Variants in METTL13 observed in about 807,000 individuals in gnomAD.
METTL13 encodes the protein eEF1A lysine and N-terminal methyltransferase.
METTL13 carries 52 observed loss-of-function variants against 67.4 expected under a neutral mutation model. That is an observed-to-expected ratio of 0.77 (90% CI 0.62 to 0.97). The LOEUF is 0.97. Ranked by LOEUF, METTL13 falls within the 50% of genes least tolerant of loss-of-function variation. METTL13 has a pLI of 0.00. For missense variants in METTL13, 825 were observed against 889.6 expected, an observed-to-expected ratio of 0.93 and a Z score of 0.92; for synonymous variants, 354 against 353.6, an observed-to-expected ratio of 1.00 and a Z score of -0.01.
chr1:171,790,586 G>T lies in METTL13; in HGVS notation c.1444G>T (p.Ala482Ser). 1.9e-6 allele frequency: 3 copies of T among 1,585,618 alleles called. No homozygotes were observed. The highest frequency in any genetic ancestry group is 1.2e-5 in the South Asian group (1 of 86,460). ...CCACAAAGCCATGATCGCTGGCCTT[G>T]CCCTGCTGAGAAACCCAGAGCTACT... ...EHHKAMIAGL[A>S]LLRNPELLLE... is the part of the protein sequence containing the mutation. The change falls in exon 5 of 8, where the codon GCC becomes TCC. Residue 482 changes from alanine to serine, a missense_variant. Coordinates refer to ENST00000361735, the MANE Select transcript of METTL13 (RefSeq NM_015935.5).
In METTL13 at chr1:171,792,181, GT is replaced by G; in HGVS notation, c.1640del (p.Val547AlafsTer26). The G allele has an allele frequency of 6.2e-7, 1 of 1,614,228 alleles. No individual in the cohort carries two copies. Among genetic ancestry groups the G allele is most frequent in the Non-Finnish European group, 8.5e-7 (1 of 1,180,044 alleles). On this transcript the variant is annotated frameshift_variant, in exon 6 of 8. Transcript: ENST00000361735. LOFTEE classifies it high-confidence loss of function. Reference protein sequence around the residue: ...FGFSQSDRMKVHIADGLDYIA... With the variant: ...FGFSQSDRMKXHIADGLDYIA... ...CTTCTCCCAGAGTGACCGAATGAAGGTCCACATTGCAGATGGCCTGGACTAT... is the reference window on the plus strand; with the variant it reads ...CTTCTCCCAGAGTGACCGAATGAAGGCCACATTGCAGATGGCCTGGACTAT...
intron 3 of METTL13, among the ~76,000 whole-genome samples, chr1:171,786,837 T>G (rs966988652): frequency 1.3e-5 from 2 of 152,130 alleles, no homozygotes; most frequent in African/African-American, 4.8e-5. Context: ...CTGGCTAGTT[T>G]TTTTTTTACA....
In METTL13 at chr1:171,784,187, T is replaced by A; in HGVS notation, c.601T>A (p.Ser201Thr). ...DQVLEAEPQFSLPVFAFIMTK... is the reference protein window; with the variant it reads ...DQVLEAEPQFTLPVFAFIMTK... ...GGTGTTGGAAGCAGAGCCTCAGTTC[T>A]CCTTGCCTGTCTTTGCCTTCATCAT... The change falls in exon 2 of 8, where the codon TCC (serine) becomes ACC (threonine). Residue 201 changes from serine (S) to threonine (T), a missense_variant. Coordinates refer to ENST00000361735, the MANE Select transcript of METTL13 (RefSeq NM_015935.5). 6.2e-7 allele frequency: 1 copy of A among 1,614,208 alleles called. No individual in the cohort carries two copies. Among genetic ancestry groups the A allele is most frequent in the South Asian group, 1.1e-5 (1 of 91,088 alleles).
chr1:171,786,684 C>G (rs1198904191), intron 3 of METTL13, among the ~76,000 whole-genome samples: 1 of 151,934 alleles, frequency 6.6e-6, no homozygotes, highest in Non-Finnish European at 1.5e-5. Flanking sequence ...GAGATAGGGT[C>G]TTGCTCTGTT....
Position 171,785,969 on chromosome 1 carries a change from C to T in METTL13, c.1004C>T (p.Thr335Ile). 3 of 1,613,852 alleles carry T rather than the reference C, an allele frequency of 1.9e-6. No individual in the cohort carries two copies. The highest frequency in any genetic ancestry group is 2.5e-6 in the Non-Finnish European group (3 of 1,179,916). ...AASAGFRRLI[T>I]VALHRGQQYE... The stretch of plus-strand genomic sequence containing the variant: ...AGTGCTGGCTTCAGGAGGTTGATTA[C>T]AGTGGCCCTTCACCGAGGTCAGCAG... The change falls in exon 3 of 8, where the codon ACA (threonine) becomes ATA (isoleucine). Residue 335 changes from threonine to isoleucine, a missense_variant. Transcript: ENST00000361735.
At position 171,782,756 on chromosome 1, in the gene METTL13, A is replaced by T. The variant is rs188712677; in HGVS notation, c.153+636A>T. Reference sequence around the variant, plus strand: ...GAATTTGTTTTTCAAATAGTCGTTGAGTGCGCCCCAAGTTTCAGGCACTGC... The same window carrying T: ...GAATTTGTTTTTCAAATAGTCGTTGTGTGCGCCCCAAGTTTCAGGCACTGC... On this transcript the variant is annotated intron_variant, in intron 1 of 7. Coordinates refer to ENST00000361735, the MANE Select transcript of METTL13 (RefSeq NM_015935.5). Among the ~76,000 whole-genome samples the T allele has an allele frequency of 2.5e-4, 38 of 152,256 alleles. No homozygotes were observed. In the East Asian group the frequency reaches 6.8e-3, roughly 27 times the overall value.
chr1:171,790,820 A>G, intron 5 of METTL13: 1 of 475,592 alleles, frequency 2.1e-6, no homozygotes, highest in Non-Finnish European at 3.4e-6. Flanking sequence ...TTGTATTGAA[A>G]TATGTTAGAG....
intron 6 of METTL13, among the ~76,000 whole-genome samples, chr1:171,792,453 T>C (rs764660721): frequency 2.6e-5 from 4 of 152,242 alleles, no homozygotes; most frequent in African/African-American, 4.8e-5. Context: ...AAACAGGCCA[T>C]TCCTGCCCTT....
chr1:171,797,676 T>A lies in METTL13; in HGVS notation c.*920T>A, dbSNP rs1433312591. 6.6e-6 allele frequency: 1 copy of A among 152,242 alleles called. No individual in the cohort carries two copies. The allele number at this position is 152,242 out of a possible 1,614,324, so 9.4% of individuals were successfully genotyped here. On this transcript the variant is annotated 3_prime_UTR_variant, in exon 8 of 8. Transcript: ENST00000361735. ...TCTCACTTGGCTGGAAACATCAATCTTAACCATTTATTCAGAACCATTAAA... is the reference window on the plus strand; with the variant it reads ...TCTCACTTGGCTGGAAACATCAATCATAACCATTTATTCAGAACCATTAAA...
chr1:171,796,466 T>C lies in METTL13; in HGVS notation c.1826-16T>C. On this transcript the variant is annotated splice_polypyrimidine_tract_variant and intron_variant, in intron 7 of 7. Transcript: ENST00000361735. ...CCTGATGTGAGGTCATTCTGACTTT[T>C]CTTCCTACCCTATAGGTGTTTTTAT... The C allele has an allele frequency of 6.2e-7, 1 of 1,612,708 alleles. No homozygotes were observed. Among genetic ancestry groups the C allele is most frequent in the Non-Finnish European group, 8.5e-7 (1 of 1,179,122 alleles).
Position 171,797,586 on chromosome 1 carries a change from A to G in METTL13, c.*830A>G, listed in dbSNP as rs891784667. ...TTCCAGGCATTCTTCTAAGTGGTTT[A>G]CATGCACTGTCTCATTTAATCTGAG... is the stretch of plus-strand genomic sequence containing the variant. On this transcript the variant is annotated 3_prime_UTR_variant, in exon 8 of 8. Transcript: ENST00000361735. 2.6e-5 allele frequency: 4 copies of G among 152,238 alleles called. No homozygotes were observed. Among genetic ancestry groups the G allele is most frequent in the Non-Finnish European group, 5.9e-5 (4 of 68,034 alleles). 9.4% of individuals were successfully genotyped at this position (152,238 alleles called of 1,614,324 possible). A position where few individuals can be genotyped will look rare whatever the true frequency, so the allele number is the denominator to read the frequency against.
At position 171,785,455 on chromosome 1, in the gene METTL13, C is replaced by T. The variant is rs1032413160; in HGVS notation, c.914-424C>T. Among the ~76,000 whole-genome samples the T allele has an allele frequency of 3.3e-5, 5 of 152,146 alleles. No individual in the cohort carries two copies. In the South Asian group the frequency reaches 6.2e-4, roughly 19 times the overall value. ...CCAGCTTCACCATTTACTTATTGTGCGAAGTTGGGCAAATAGTGTAACTTC... is the reference window on the plus strand; with the variant it reads ...CCAGCTTCACCATTTACTTATTGTGTGAAGTTGGGCAAATAGTGTAACTTC... On this transcript the variant is annotated intron_variant, in intron 2 of 7. Coordinates refer to ENST00000361735, the MANE Select transcript of METTL13 (RefSeq NM_015935.5).
At position 171,784,159 on chromosome 1, in the gene METTL13, C is replaced by T; in HGVS notation, c.573C>T (p.Asp191=). The change falls in exon 2 of 8, where the codon GAC becomes GAT. Residue 191 remains aspartate, a synonymous_variant. Coordinates refer to ENST00000361735, the MANE Select transcript of METTL13 (RefSeq NM_015935.5). ...TGCACCAAGTGGCCAACAGCCAGGA[C>T]CAGGTGTTGGAAGCAGAGCCTCAGT... is the stretch of plus-strand genomic sequence containing the variant. ...VRVHQVANSQ[D]QVLEAEPQFS... The T allele has an allele frequency of 6.2e-7, 1 of 1,614,210 alleles. No homozygotes were observed. Among genetic ancestry groups the T allele is most frequent in the Non-Finnish European group, 8.5e-7 (1 of 1,180,032 alleles).
chr1:171,784,475 G>A lies in METTL13; in HGVS notation c.889G>A (p.Asp297Asn). The A allele has an allele frequency of 6.6e-7, 1 of 1,504,834 alleles. No homozygotes were observed. The highest frequency in any genetic ancestry group is 1.4e-5 in the South Asian group (1 of 73,562). The allele number at this position is 1,504,834 out of a possible 1,614,324, so 93.2% of individuals were successfully genotyped here. Reference sequence around the variant, plus strand: ...CAGCCCCACTGTGAAACCATCGCGGGACAATCATTTTGCGATTTTCATCAG... The same window carrying A: ...CAGCCCCACTGTGAAACCATCGCGGAACAATCATTTTGCGATTTTCATCAG... Reference protein sequence around the residue: ...VDSPTVKPSRDNHFAIFIIPQ... With the variant: ...VDSPTVKPSRNNHFAIFIIPQ... Residue 297 changes from aspartate (D) to asparagine (N), a missense_variant, in exon 2 of 8, where the codon GAC becomes AAC. By Grantham distance (23) the Asp-to-Asn change is conservative (BLOSUM62 1). Coordinates refer to ENST00000361735, the MANE Select transcript of METTL13 (RefSeq NM_015935.5).
At chr1:171,788,004 A>G in intron 4 of METTL13, 74 bp downstream of exon 4, 1 of 1,485,092 alleles carries the variant, frequency 6.7e-7, no homozygotes, top group African/African-American at 1.4e-5. Context: ...AGCTTGGCCG[A>G]GATGTAGGAT....
rs2029870707 is a variant in METTL13 at position 171,797,640 on chromosome 1, C to T, written c.*884C>T. On this transcript the variant is annotated 3_prime_UTR_variant, in exon 8 of 8. Coordinates refer to ENST00000361735, the MANE Select transcript of METTL13 (RefSeq NM_015935.5). ...AAGGATACTTAAGCCCAAACTATAT[C>T]TAAACCCAAATCTCACTTGGCTGGA... is the stretch of plus-strand genomic sequence containing the variant. 1 of 152,246 alleles carries T rather than the reference C, an allele frequency of 6.6e-6. No individual in the cohort carries two copies. The highest frequency in any genetic ancestry group is 2.4e-5 in the African/African-American group (1 of 41,464). 9.4% of individuals were successfully genotyped at this position (152,246 alleles called of 1,614,324 possible). A position where few individuals can be genotyped will look rare whatever the true frequency, so the allele number is the denominator to read the frequency against.
chr1:171,796,210 G>A (rs1258609405), intron 7 of METTL13, among the ~76,000 whole-genome samples: 1 of 152,098 alleles, frequency 6.6e-6, no homozygotes, highest in East Asian at 1.9e-4. Flanking sequence ...GAAGCTATTT[G>A]GGAAACTGAG....
intron 3 of METTL13, 121 bp downstream of exon 3, chr1:171,786,199 G>A (rs942960112): frequency 2.2e-5 from 24 of 1,099,654 alleles, no homozygotes; most frequent in Non-Finnish European, 2.6e-5. Flanking sequence ...AATCCTGGAG[G>A]GGTATCAGCA....
intron 4 of METTL13, among the ~76,000 whole-genome samples, chr1:171,789,781 TTTTCCAGC>T (rs1657141384): frequency 6.6e-6 from 1 of 151,520 alleles, no homozygotes; most frequent in Non-Finnish European, 1.5e-5. Flanking sequence ...TGCCATTTCC[TTTTCCAGC>T]TTCCTTGTAT....
Sources: allele counts gnomAD v4.1 joint callset (sites outside exome capture counted in the v4.1 genomes callset), GRCh38; gene constraint gnomAD v4.1.1; transcripts MANE v1.5; gene names NCBI Gene and HGNC (gene_info 2026-07-23, HGNC 2026-07-21).